Variants in BZW2 observed in about 807,000 individuals in gnomAD.
BZW2 encodes the protein eIF5-mimic protein 1.
In BZW2, 23 loss-of-function variants were observed where a neutral mutation model predicts 53.2. The ratio of observed to expected loss-of-function variants is 0.43; its 90% CI spans 0.31 to 0.61. The LOEUF is 0.61. Ranked by LOEUF, BZW2 falls within the 20% of genes least tolerant of loss-of-function variation. The probability of loss-of-function intolerance (pLI) is 0.09; values close to 1 mark genes in which losing one functional copy is unlikely to be tolerated. For missense variants in BZW2, 409 were observed against 503.1 expected, an observed-to-expected ratio of 0.81 and a Z score of 1.79; for synonymous variants, 227 against 186.4, an observed-to-expected ratio of 1.22 and a Z score of -1.77.
At chr7:16,699,783 T>C (rs1783613279) in intron 10 of BZW2, among the ~76,000 whole-genome samples, 1 of 152,202 alleles carries the variant, frequency 6.6e-6, no homozygotes. Context: ...TAACCACTAA[T>C]GCCAACCTCC....
chr7:16,665,385 C>G, intron 1 of BZW2, 52 bp from the exon 2 acceptor site: 2 of 1,605,676 alleles, frequency 1.2e-6, no homozygotes, highest in Non-Finnish European at 1.7e-6. Context: ...CATATGTTTT[C>G]CATATAAACT....
Position 16,646,224 on chromosome 7 carries a change from C to T in BZW2, c.-72C>T. ...GCCACTGCTGCTGCTGCTGCTGCTG[C>T]CGCTGCTGCTGCACGAATCGCCGCA... On this transcript the variant is annotated 5_prime_UTR_variant, in exon 1 of 12. Transcript: ENST00000258761. The T allele has an allele frequency of 2.9e-6, 1 of 345,880 alleles. No homozygotes were observed. Among genetic ancestry groups the T allele is most frequent in the Admixed American group, 3.0e-5 (1 of 32,878 alleles). 21.4% of individuals were successfully genotyped at this position (345,880 alleles called of 1,614,324 possible). A position where few individuals can be genotyped will look rare whatever the true frequency, so the allele number is the denominator to read the frequency against.
At position 16,681,418 on chromosome 7, in the gene BZW2, G is replaced by A. The variant is rs1212242524; in HGVS notation, c.339+14G>A. The A allele has an allele frequency of 6.2e-7, 1 of 1,604,666 alleles. No individual in the cohort carries two copies. Among genetic ancestry groups the A allele is most frequent in the Non-Finnish European group, 8.5e-7 (1 of 1,172,054 alleles). On this transcript the variant is annotated intron_variant, in intron 4 of 11. Transcript: ENST00000258761. The stretch of plus-strand genomic sequence containing the variant: ...AACTATGCTCAGGTAGAGCCTGTTT[G>A]AGAGACTGAAGCATTTGAAGAGGAC...
chr7:16,655,853 G>T (rs1383952396), intron 1 of BZW2, among the ~76,000 whole-genome samples: 1 of 152,030 alleles, frequency 6.6e-6, no homozygotes, highest in Non-Finnish European at 1.5e-5. Flanking sequence ...GTTTGCCATT[G>T]CTCCAGGGTT....
At chr7:16,684,780 A>G (rs1783062302) in intron 5 of BZW2, among the ~76,000 whole-genome samples, 1 of 152,166 alleles carries the variant, frequency 6.6e-6, no homozygotes, top group South Asian at 2.1e-4. Context: ...ATTTGTTGAG[A>G]ATTTAATAGG....
intron 2 of BZW2, among the ~76,000 whole-genome samples, chr7:16,673,026 A>G (rs923499766): frequency 1.3e-5 from 2 of 151,984 alleles, no homozygotes; most frequent in Non-Finnish European, 2.9e-5. Flanking sequence ...GCTCACTGCA[A>G]GCTCCGCCTC....
intron 3 of BZW2, among the ~76,000 whole-genome samples, chr7:16,676,776 C>T (rs887959342): frequency 6.6e-5 from 10 of 152,168 alleles, no homozygotes; most frequent in African/African-American, 2.4e-4. Context: ...GCCAAAGTCA[C>T]ATGACTGTAG....
At chr7:16,646,590 G>T (rs1485015829) in intron 1 of BZW2, among the ~76,000 whole-genome samples, 1 of 152,206 alleles carries the variant, frequency 6.6e-6, no homozygotes, top group East Asian at 1.9e-4. Flanking sequence ...GGTGCACATG[G>T]TCTCGTGCGT....
In BZW2 at chr7:16,706,208, G is replaced by C; in HGVS notation, c.*120G>C. 9.0e-7 allele frequency: 1 copy of C among 1,109,602 alleles called. No individual in the cohort carries two copies. Among genetic ancestry groups the C allele is most frequent in the Non-Finnish European group, 1.3e-6 (1 of 754,068 alleles). The allele number at this position is 1,109,602 out of a possible 1,614,324, so 68.7% of individuals were successfully genotyped here. A position where few individuals can be genotyped will look rare whatever the true frequency, so the allele number is the denominator to read the frequency against. On this transcript the variant is annotated 3_prime_UTR_variant, in exon 12 of 12. Coordinates refer to ENST00000258761, the MANE Select transcript of BZW2 (RefSeq NM_014038.3). ...GCAAAGGAAAAAAAAAATAGGATAGGCTTCCCTTGTGCAGAGGGAGAAATG... is the reference window on the plus strand; with the variant it reads ...GCAAAGGAAAAAAAAAATAGGATAGCCTTCCCTTGTGCAGAGGGAGAAATG...
intron 1 of BZW2, among the ~76,000 whole-genome samples, chr7:16,650,771 C>T (rs1274346524): frequency 5.3e-5 from 8 of 152,166 alleles, no homozygotes. Context: ...CCATGGCGCT[C>T]TTTAGCAAGT....
At chr7:16,674,988 A>G (rs1319989074) in intron 3 of BZW2, among the ~76,000 whole-genome samples, 1 of 152,198 alleles carries the variant, frequency 6.6e-6, no homozygotes, top group Non-Finnish European at 1.5e-5. Flanking sequence ...TAAAGCATAT[A>G]AGAAATATAG....
At chr7:16,650,209 G>T (rs886607233) in intron 1 of BZW2, among the ~76,000 whole-genome samples, 12 of 152,272 alleles carry the variant, frequency 7.9e-5, no homozygotes, top group African/African-American at 1.2e-4. Flanking sequence ...GTAAAAGGTT[G>T]GTGGCATTAC....
intron 1 of BZW2, among the ~76,000 whole-genome samples, chr7:16,649,317 T>C (rs1781935367): frequency 6.6e-6 from 1 of 152,238 alleles, no homozygotes; most frequent in South Asian, 2.1e-4. Flanking sequence ...GTTTGATTTC[T>C]AAGTTATTTT....
intron 3 of BZW2, among the ~76,000 whole-genome samples, chr7:16,677,633 A>G (rs1229614429): frequency 1.3e-5 from 2 of 152,160 alleles, no homozygotes; most frequent in African/African-American, 4.8e-5. Flanking sequence ...TTTTAGTTTT[A>G]CAGCTTCGAT....
intron 8 of BZW2, 127 bp downstream of exon 8, chr7:16,695,131 C>A: frequency 1.2e-6 from 1 of 857,226 alleles, no homozygotes; most frequent in Non-Finnish European, 1.6e-6. Context: ...TCCACTTATT[C>A]CTACCATTTA....
intron 1 of BZW2, among the ~76,000 whole-genome samples, chr7:16,663,774 T>C (rs757841263): frequency 5.9e-5 from 9 of 152,210 alleles, no homozygotes; most frequent in Non-Finnish European, 1.3e-4. Context: ...ATGTTTGGAC[T>C]TCATAATTGA....
chr7:16,667,827 A>G (rs1036312987), intron 2 of BZW2, among the ~76,000 whole-genome samples: 12 of 152,228 alleles, frequency 7.9e-5, no homozygotes, highest in Admixed American at 7.8e-4. Context: ...AAGTACAAGT[A>G]TAGCCTGAGC....
intron 1 of BZW2, among the ~76,000 whole-genome samples, chr7:16,663,743 G>C (rs1392414679): frequency 1.3e-5 from 2 of 152,108 alleles, no homozygotes; most frequent in Non-Finnish European, 2.9e-5. Context: ...TAATTTGCTT[G>C]AATAATGCAT....
At chr7:16,681,233 G>T in intron 3 of BZW2, 68 bp from the exon 4 acceptor site, 1 of 1,196,848 alleles carries the variant, frequency 8.4e-7, no homozygotes, top group Non-Finnish European at 1.2e-6. Flanking sequence ...TGCCAGAATT[G>T]ATGTGTTCTG....
Sources: allele counts gnomAD v4.1 joint callset (sites outside exome capture counted in the v4.1 genomes callset), GRCh38; gene constraint gnomAD v4.1.1; transcripts MANE v1.5; gene names NCBI Gene and HGNC (gene_info 2026-07-23, HGNC 2026-07-21).